GRID2IP: variants seen among roughly 807,000 people sequenced by gnomAD.
GRID2IP encodes delphilin.
A neutral mutation model predicts 114.3 loss-of-function variants in GRID2IP; 78 were observed. The observed-to-expected ratio is 0.68, with a 90% CI of 0.57 to 0.82. GRID2IP has a LOEUF of 0.82. Among genes scored for constraint, GRID2IP ranks in the 40% least tolerant of loss-of-function variants. GRID2IP has a pLI of 0.00. For missense variants in GRID2IP, 1,727 were observed against 1,678.5 expected (o/e 1.03, Z -0.51); for synonymous variants, 809 against 724.0 (o/e 1.12, Z -1.89).
chr7:6,498,899 G>A (rs774969020), intron 20 of GRID2IP, among the ~76,000 whole-genome samples: 27 of 152,068 alleles, frequency 1.8e-4, no homozygotes, highest in African/African-American at 6.3e-4. Flanking sequence ...GCCTTACTCT[G>A]TTTTCTAGAG....
intron 1 of GRID2IP, among the ~76,000 whole-genome samples, chr7:6,544,061 T>C (rs1439522917): frequency 6.6e-6 from 1 of 151,864 alleles, no homozygotes; most frequent in African/African-American, 2.4e-5. Context: ...CCTCCCAAAG[T>C]GTTGGAATTA....
At position 6,526,442 on chromosome 7, in the gene GRID2IP, T is replaced by C; in HGVS notation, c.833+79A>G. On this transcript the variant is annotated intron_variant, in intron 3 of 21. Transcript: ENST00000457091. The surrounding 1 kb of genome is among the most constrained non-coding windows in gnomAD (Gnocchi z 7.6). ...CACCCCAGATGCCCAGCCCCGCCCCTACGCCCTCTCCCCGGGTCTCGGTCC... is the reference window on the plus strand; with the variant it reads ...CACCCCAGATGCCCAGCCCCGCCCCCACGCCCTCTCCCCGGGTCTCGGTCC... 2 of 1,481,162 alleles carry C rather than the reference T, an allele frequency of 1.4e-6. No homozygotes were observed. Among genetic ancestry groups the C allele is most frequent in the Non-Finnish European group, 1.8e-6 (2 of 1,112,076 alleles). The allele number at this position is 1,481,162 out of a possible 1,614,324, so 91.8% of individuals were successfully genotyped here.
Position 6,504,890 on chromosome 7 carries a change from T to C in GRID2IP, c.2633-20A>G. ...CCGGTTCTGGAAAAGAAACTGACAG[T>C]TTACGGAGGCGGCTAGGCTGAGGCT... is the stretch of plus-strand genomic sequence containing the variant. On this transcript the variant is annotated intron_variant, in intron 14 of 21. Transcript: ENST00000457091. 1 of 1,549,512 alleles carries C rather than the reference T, an allele frequency of 6.5e-7. No homozygotes were observed. Among genetic ancestry groups the C allele is most frequent in the East Asian group, 2.4e-5 (1 of 40,908 alleles).
rs1433663704 is a variant in GRID2IP at position 6,502,136 on chromosome 7, T to C, written c.3151-18A>G. ...GAGTTCAGCTGCAAGTGACCCCCAATATACATTCCCGTCAAGGACCCCATC... is the reference window on the plus strand; with the variant it reads ...GAGTTCAGCTGCAAGTGACCCCCAACATACATTCCCGTCAAGGACCCCATC... On this transcript the variant is annotated intron_variant, in intron 18 of 21. Coordinates refer to ENST00000457091, the MANE Select transcript of GRID2IP (RefSeq NM_001145118.2). The C allele has an allele frequency of 1.9e-6, 3 of 1,550,234 alleles. No homozygotes were observed. The highest frequency in any genetic ancestry group is 1.4e-5 in the African/African-American group (1 of 72,882).
At chr7:6,514,248 C>T (rs917837367) in intron 8 of GRID2IP, 127 bp downstream of exon 8, 2 of 929,944 alleles carry the variant, frequency 2.2e-6, no homozygotes, top group African/African-American at 3.4e-5. Context: ...AGTGAGACTC[C>T]ATTTCAAAAC....
chr7:6,504,182 G>T (rs1045455832), intron 15 of GRID2IP, among the ~76,000 whole-genome samples: 1 of 151,102 alleles, frequency 6.6e-6, no homozygotes, highest in South Asian at 2.1e-4. Context: ...CGGGTGGAAA[G>T]AGGGCGGGGC....
chr7:6,514,265 A>G, intron 8 of GRID2IP, 110 bp downstream of exon 8: 6 of 1,054,270 alleles, frequency 5.7e-6, no homozygotes, highest in Non-Finnish European at 7.8e-6. Flanking sequence ...AAACAAACAA[A>G]CAAGCAAACA....
chr7:6,514,617 G>T, intron 7 of GRID2IP, 88 bp from the exon 8 acceptor site: 1 of 1,244,732 alleles, frequency 8.0e-7, no homozygotes, highest in Non-Finnish European at 1.1e-6. Context: ...GCACTTCCAA[G>T]CCACAGCGTC....
At position 6,508,111 on chromosome 7, in the gene GRID2IP, G is replaced by A. The variant is rs538475902; in HGVS notation, c.2418C>T (p.Pro806=). ...PPPPPPPLPP[P]VPCAPPMLSR... ...ACAGCATGGGGGGTGCACAGGGCAC[G>A]GGTGGGGGCAGGGGCGGTGGGGGTG... The change falls in exon 13 of 22, where the codon CCC becomes CCT. Residue 806 remains proline, a synonymous_variant. Transcript: ENST00000457091. This position sits in a 1 kb window ranked among gnomAD's most constrained non-coding sequence, Gnocchi z 5.6. The A allele has an allele frequency of 7.8e-6, 12 of 1,535,092 alleles. No homozygotes were observed. The African/African-American group carries it at 8.2e-5, about 11-fold the overall frequency.
chr7:6,503,840 C>A (rs911395993), intron 15 of GRID2IP, among the ~76,000 whole-genome samples, 153 bp from the exon 16 acceptor site: 2 of 150,764 alleles, frequency 1.3e-5, no homozygotes, highest in Non-Finnish European at 3.0e-5. Context: ...GGACAAGAAA[C>A]GCGGACGGGG....
intron 1 of GRID2IP, among the ~76,000 whole-genome samples, chr7:6,543,803 A>G (rs576597065): frequency 6.6e-6 from 1 of 151,592 alleles, no homozygotes; most frequent in East Asian, 1.9e-4. Flanking sequence ...TATTATTATT[A>G]TTATTTGAGA....
chr7:6,544,467 G>A (rs1779856667), intron 1 of GRID2IP, among the ~76,000 whole-genome samples: 1 of 151,362 alleles, frequency 6.6e-6, no homozygotes, highest in African/African-American at 2.4e-5. Flanking sequence ...TTTTAGTAGA[G>A]ACAGGGTTTC....
At chr7:6,546,642 T>G (rs1305811750) in intron 1 of GRID2IP, among the ~76,000 whole-genome samples, 1 of 151,786 alleles carries the variant, frequency 6.6e-6, no homozygotes, top group African/African-American at 2.4e-5. Context: ...GGAAGTCATT[T>G]TTGGAGATTC....
Position 6,519,976 on chromosome 7 carries a change from C to A in GRID2IP, c.1268+602G>T, listed in dbSNP as rs997397985. Among the ~76,000 whole-genome samples, 1 of 151,844 alleles carries A rather than the reference C, an allele frequency of 6.6e-6. No individual in the cohort carries two copies. Among genetic ancestry groups the A allele is most frequent in the Non-Finnish European group, 1.5e-5 (1 of 67,978 alleles). ...GGTGGGGCTCTGGTGAAGGTCCCAT[C>A]AAGAATGCTGCAGGTGGGCCAAGGC... is the stretch of plus-strand genomic sequence containing the variant. On this transcript the variant is annotated intron_variant, in intron 7 of 21. Transcript: ENST00000457091. This position sits in a 1 kb window ranked among gnomAD's most constrained non-coding sequence, Gnocchi z 4.1.
chr7:6,497,905 C>T, intron 21 of GRID2IP, 60 bp from the exon 22 acceptor site: 2 of 1,461,412 alleles, frequency 1.4e-6, no homozygotes, highest in Non-Finnish European at 9.3e-7. Flanking sequence ...GTGACGCCTT[C>T]CCTGTCTCTT....
At chr7:6,499,080 G>A (rs1057076328) in intron 20 of GRID2IP, among the ~76,000 whole-genome samples, 1 of 152,160 alleles carries the variant, frequency 6.6e-6, no homozygotes, top group African/African-American at 2.4e-5. Context: ...AAATGGTGCC[G>A]AGCTTTGTTC....
intron 1 of GRID2IP, among the ~76,000 whole-genome samples, chr7:6,549,816 T>C (rs1315782144): frequency 6.6e-6 from 1 of 150,540 alleles, no homozygotes; most frequent in African/African-American, 2.4e-5. Flanking sequence ...TTTTTGATAG[T>C]GATGGGATTT....
chr7:6,535,136 C>T (rs1176703266), intron 2 of GRID2IP, among the ~76,000 whole-genome samples: 5 of 152,274 alleles, frequency 3.3e-5, no homozygotes, highest in South Asian at 2.1e-4. Flanking sequence ...CCACCCGCCT[C>T]GGCCTCCCAA....
rs530968211 is a variant in GRID2IP at position 6,522,807 on chromosome 7, A to G, written c.920-850T>C. ...ACTACAGCCACCATGCCTGGCTAAT[A>G]TGTGTGTGTGTGTGTGTGTGTGTGT... On this transcript the variant is annotated intron_variant, in intron 4 of 21. Coordinates refer to ENST00000457091, the MANE Select transcript of GRID2IP (RefSeq NM_001145118.2). Among the ~76,000 whole-genome samples, 182 of 147,690 alleles carry G rather than the reference A, an allele frequency of 1.2e-3. 1 individual carries two copies. Among genetic ancestry groups the G allele is most frequent in the East Asian group, 0.012 (60 of 4,976 alleles).
Sources: allele counts gnomAD v4.1 joint callset (sites outside exome capture counted in the v4.1 genomes callset), GRCh38; gene constraint gnomAD v4.1.1; non-coding constraint Gnocchi (gnomAD v3.1); transcripts MANE v1.5; gene names NCBI Gene and HGNC (gene_info 2026-07-23, HGNC 2026-07-21).